The following EPG5 variants were observed in gnomAD, a reference collection of about 807,000 sequenced individuals.
The protein encoded by EPG5 is ectopic P granules protein 5 homolog.
Under a neutral mutation model 302.7 loss-of-function variants are expected in EPG5, and 159 were observed. The ratio of observed to expected loss-of-function variants is 0.53; its 90% CI spans 0.46 to 0.60. The LOEUF (loss-of-function observed/expected upper bound fraction) is 0.60. EPG5 is among the 20% of genes least tolerant of loss of function. The pLI is 0.00. For missense variants in EPG5, 2,896 were observed against 3,092.4 expected, an observed-to-expected ratio of 0.94 and a Z score of 1.51; for synonymous variants, 1,158 against 1,136.8, an observed-to-expected ratio of 1.02 and a Z score of -0.37.
At chr18:45,948,009 A>C (rs1010125435) in intron 6 of EPG5, among the ~76,000 whole-genome samples, 7 of 152,266 alleles carry the variant, frequency 4.6e-5, no homozygotes, top group African/African-American at 1.4e-4. Flanking sequence ...TCCTGCCCTC[A>C]GGTGATCCAC....
the EPG5 span, chr18:45,840,185 C>G: frequency 8.4e-5 from 136 of 1,612,664 alleles, no homozygotes; most frequent in Admixed American, 1.7e-4. Flanking sequence ...AGATTCATGC[C>G]TGCTCTCTTG....
At chr18:45,900,384 G>A (rs980854355) in intron 26 of EPG5, among the ~76,000 whole-genome samples, 6 of 130,012 alleles carry the variant, frequency 4.6e-5, no homozygotes, top group East Asian at 2.4e-4. Context: ...CAGCCTGGGC[G>A]ACACAGCAAG....
the EPG5 span, among the ~76,000 whole-genome samples, chr18:45,815,056 G>A: frequency 2.6e-5 from 4 of 152,248 alleles, no homozygotes; most frequent in South Asian, 8.3e-4. Context: ...TAGTGGAAAG[G>A]GCTGGAGCTT....
At chr18:45,822,197 T>C in the EPG5 span, among the ~76,000 whole-genome samples, 1 of 152,192 alleles carries the variant, frequency 6.6e-6, no homozygotes, top group African/African-American at 2.4e-5. Flanking sequence ...GTATACACAA[T>C]GGAATATTAT....
At chr18:45,892,658 T>TA (rs2049378788) in intron 27 of EPG5, among the ~76,000 whole-genome samples, 1 of 152,194 alleles carries the variant, frequency 6.6e-6, no homozygotes, top group Non-Finnish European at 1.5e-5. Context: ...ACTGAATTGT[T>TA]AGAGCCTTCT....
intron 1 of EPG5, among the ~76,000 whole-genome samples, chr18:45,960,920 C>T (rs1219084366): frequency 6.6e-6 from 1 of 152,078 alleles, no homozygotes; most frequent in African/African-American, 2.4e-5. Context: ...ATTCACATGT[C>T]CAAGGCTACT....
chr18:45,866,249 A>C (rs1819268207), intron 38 of EPG5, among the ~76,000 whole-genome samples: 1 of 151,582 alleles, frequency 6.6e-6, no homozygotes, highest in South Asian at 2.1e-4. Context: ...TCTCCCGAGT[A>C]GCTGGGAATA....
At position 45,955,537 on chromosome 18, in the gene EPG5, G is replaced by A. The variant is rs141179687; in HGVS notation, c.64-199C>T. Among the ~76,000 whole-genome samples the A allele has an allele frequency of 5.2e-3, 794 of 152,214 alleles. 6 individuals are homozygous for A. Among genetic ancestry groups the A allele is most frequent in the African/African-American group, 0.018 (740 of 41,524 alleles). ...TTCATATTTCGTATTATCCAATATT[G>A]AGCGTGTTAAATTTGGAGATTCACT... On this transcript the variant is annotated intron_variant, in intron 1 of 43. Coordinates refer to ENST00000282041, the MANE Select transcript of EPG5 (RefSeq NM_020964.3).
At chr18:45,825,786 T>G in the EPG5 span, 2 of 1,614,060 alleles carry the variant, frequency 1.2e-6, no homozygotes, top group African/African-American at 1.3e-5. Flanking sequence ...GACAGGTGAG[T>G]GTCTGCTACT....
At chr18:45,954,056 C>T in intron 2 of EPG5, 1 of 340,982 alleles carries the variant, frequency 2.9e-6, no homozygotes, top group Non-Finnish European at 4.2e-6. Context: ...GGATTCCTCA[C>T]ACTAAAATCT....
chr18:45,901,027 T>C lies in EPG5; in HGVS notation c.4615A>G (p.Thr1539Ala). 6.2e-7 allele frequency: 1 copy of C among 1,614,100 alleles called. No individual in the cohort carries two copies. The highest frequency in any genetic ancestry group is 1.3e-5 in the African/African-American group (1 of 75,036). Residue 1539 changes from threonine to alanine, a missense_variant, in exon 26 of 44, where the codon ACA becomes GCA. Thr to Ala is a moderately conservative substitution (Grantham distance 58, BLOSUM62 0). This residue lies in a region of EPG5 where 790 missense variants were observed against 798.0 expected (regional missense o/e 0.99). Coordinates refer to ENST00000282041, the MANE Select transcript of EPG5 (RefSeq NM_020964.3). The part of the protein sequence containing the change: ...SQKDATQLVC[T>A]DLNLLQQQAR... ...TGCTGTTGCAACAGATTCAGGTCTG[T>C]GCACACCAGCTGGGTGGCGTCCTTC...
chr18:45,959,200 GCA>G (rs2051094251), intron 1 of EPG5, among the ~76,000 whole-genome samples: 1 of 152,202 alleles, frequency 6.6e-6, no homozygotes, highest in Non-Finnish European at 1.5e-5. Flanking sequence ...AATTAGCCAG[GCA>G]TGGTGGCTGG....
chr18:45,842,110 C>A, the EPG5 span: 1 of 1,614,198 alleles, frequency 6.2e-7, no homozygotes, highest in South Asian at 1.1e-5. Flanking sequence ...CCACAGGTCC[C>A]AGGCCCAGGA....
the EPG5 span, chr18:45,825,703 G>C: frequency 6.2e-7 from 1 of 1,614,064 alleles, no homozygotes. Context: ...AGCGGGTCTG[G>C]CCTGGGGTGT....
intron 20 of EPG5, 46 bp from the exon 21 acceptor site, chr18:45,913,874 CA>C: frequency 6.2e-7 from 1 of 1,600,816 alleles, no homozygotes. Context: ...GAGCTCGCCC[CA>C]CTGACGAAAT....
At chr18:45,891,170 G>A (rs72918327) in intron 27 of EPG5, among the ~76,000 whole-genome samples, 6,830 of 152,012 alleles carry the variant, frequency 0.045, 371 homozygotes, top group East Asian at 0.3. Context: ...TCACTTATGA[G>A]GCCCAGGGTT....
the EPG5 span, among the ~76,000 whole-genome samples, chr18:45,824,733 A>G: frequency 6.6e-6 from 1 of 152,088 alleles, no homozygotes; most frequent in Admixed American, 6.6e-5. Flanking sequence ...GGACTTGCAC[A>G]TTTCTAGCTC....
chr18:45,934,680 A>G, intron 11 of EPG5, 129 bp downstream of exon 11: 1 of 1,065,152 alleles, frequency 9.4e-7, no homozygotes, highest in South Asian at 1.9e-5. Context: ...CTGAATTTCA[A>G]AATCATTACA....
rs1054176221 is a variant in EPG5, at chr18:45,882,548, G to C, written c.5305-61C>G. 17 of 1,404,930 alleles carry C rather than the reference G, an allele frequency of 1.2e-5. No homozygotes were observed. The African/African-American group carries it at 2.3e-4, about 19-fold the overall frequency. The allele number at this position is 1,404,930 out of a possible 1,614,324, so 87.0% of individuals were successfully genotyped here. On this transcript the variant is annotated intron_variant, in intron 30 of 43. Coordinates refer to ENST00000282041, the MANE Select transcript of EPG5 (RefSeq NM_020964.3). ...GCACTAGAAAAATAGTTTAAGAGGA[G>C]AGAGGTCTGTGTAAATTTAGTTTAA...
Sources: gnomAD v4.1 joint callset for allele counts (sites outside exome capture counted in the v4.1 genomes callset) on GRCh38, gnomAD v4.1.1 for gene constraint, gnomAD v4.1.1 regional missense constraint, MANE v1.5 for transcripts, NCBI Gene and HGNC (gene_info 2026-07-23, HGNC 2026-07-21) for gene names.